Variants in SEC23A observed in about 807,000 individuals in gnomAD.
SEC23A encodes protein transport protein Sec23A.
In SEC23A, 56 loss-of-function variants were observed where a neutral mutation model predicts 103.7. The observed-to-expected ratio is 0.54, with a 90% CI of 0.44 to 0.67. SEC23A has a LOEUF of 0.67. Ranked by LOEUF, SEC23A falls within the 30% of genes least tolerant of loss-of-function variation. The pLI, the probability that SEC23A is intolerant of heterozygous loss-of-function variation, is 0.00. For missense variants in SEC23A, 784 were observed against 936.4 expected (o/e 0.84, Z 2.12); for synonymous variants, 281 against 293.0 (o/e 0.96, Z 0.42).
chr14:39,061,848 T>C lies in SEC23A; in HGVS notation c.1422A>G (p.Gly474=). ...VNQHNAPIPQ[G]GRGAIQFVTQ... ...TCACAAACTGGATTGCACCACGCCCTCCTTGAGGAATTGGAGCATTATGCT... is the reference window on the plus strand; with the variant it reads ...TCACAAACTGGATTGCACCACGCCCCCCTTGAGGAATTGGAGCATTATGCT... The change falls in exon 13 of 20, where the codon GGA becomes GGG. Residue 474 remains glycine, a synonymous_variant. Transcript: ENST00000307712. 1 of 1,613,784 alleles carries C rather than the reference T, an allele frequency of 6.2e-7. No individual in the cohort carries two copies. Among genetic ancestry groups the C allele is most frequent in the Non-Finnish European group, 8.5e-7 (1 of 1,179,676 alleles).
intron 8 of SEC23A, 75 bp downstream of exon 8, chr14:39,075,860 A>G (rs533276524): frequency 3.9e-6 from 5 of 1,274,542 alleles, no homozygotes; most frequent in South Asian, 1.2e-5. Context: ...ATCAAAAACT[A>G]TTTGTATTCT....
chr14:39,098,688 C>T (rs1483810102), intron 1 of SEC23A, among the ~76,000 whole-genome samples: 4 of 151,462 alleles, frequency 2.6e-5, no homozygotes, highest in African/African-American at 7.3e-5. Context: ...GCAGGAGAAT[C>T]ACTTGAACCC....
rs376125773 is a variant in SEC23A at position 39,058,286 on chromosome 14, ATT to A, written c.1506-2992_1506-2991del. Reference sequence around the variant, plus strand: ...TAAAATTCTTCTCCCTTCTTTCTGTATTTTTTTTTTTTTTTAATTTTTTTTAT... The same window carrying A: ...TAAAATTCTTCTCCCTTCTTTCTGTATTTTTTTTTTTTTAATTTTTTTTAT... On this transcript the variant is annotated intron_variant, in intron 13 of 19. Transcript: ENST00000307712. Among the ~76,000 whole-genome samples, 447 of 144,446 alleles carry A rather than the reference ATT, an allele frequency of 3.1e-3. 3 individuals carry two copies. Among genetic ancestry groups the A allele is most frequent in the African/African-American group, 0.01 (411 of 39,822 alleles). The allele number at this position is 144,446 out of a possible 152,430, so 94.8% of individuals were successfully genotyped here. A position where few individuals can be genotyped will look rare whatever the true frequency, so the allele number is the denominator to read the frequency against.
chr14:39,057,214 G>A (rs1886278987), intron 13 of SEC23A, among the ~76,000 whole-genome samples: 1 of 151,400 alleles, frequency 6.6e-6, no homozygotes. Context: ...CTCTGGAGAT[G>A]AGAACTGCCT....
At chr14:39,093,903 T>A (rs1887750890) in intron 2 of SEC23A, among the ~76,000 whole-genome samples, 1 of 152,132 alleles carries the variant, frequency 6.6e-6, no homozygotes, top group Non-Finnish European at 1.5e-5. Context: ...ACTGAATGCC[T>A]AATAAGTACC....
rs1359597367 is a variant in SEC23A, at chr14:39,094,389, CACACACACAT to C, written c.222-1155_222-1146del. On this transcript the variant is annotated intron_variant, in intron 2 of 19. Coordinates refer to ENST00000307712, the MANE Select transcript of SEC23A (RefSeq NM_006364.4). ...ATATATATATACACACACACACACACACACACACATATATATATATATATATATATATATA... is the reference window on the plus strand; with the variant it reads ...ATATATATATACACACACACACACACATATATATATATATATATATATATA... Among the ~76,000 whole-genome samples the C allele has an allele frequency of 1.4e-4, 7 of 50,208 alleles. 1 individual carries two copies. The highest frequency in any genetic ancestry group is 5.4e-4 in the African/African-American group (7 of 13,014). 32.9% of individuals were successfully genotyped at this position (50,208 alleles called of 152,430 possible).
rs757227446 is a variant in SEC23A, at chr14:39,061,787, G to A, written c.1483C>T (p.Arg495Ter). 9 of 1,612,182 alleles carry A rather than the reference G, an allele frequency of 5.6e-6. No homozygotes were observed. Among genetic ancestry groups the A allele is most frequent in the East Asian group, 2.2e-5 (1 of 44,866 alleles). Residue 495 changes from arginine to a stop codon, truncating the protein, a stop_gained, in exon 13 of 20, where the codon CGA (arginine) becomes TGA (stop). Transcript: ENST00000307712. LOFTEE classifies it high-confidence loss of function. The part of the protein sequence containing the change: ...YQHSSGQRRI[R>*]VTTIARNWAD... ...TACTTCCTAGCAATGGTGGTCACTC[G>A]GATGCGTCTCTGCCCACTTGAATGC... is the stretch of plus-strand genomic sequence containing the variant.
At chr14:39,094,919 T>C (rs1887834140) in intron 2 of SEC23A, 1 of 675,872 alleles carries the variant, frequency 1.5e-6, no homozygotes, top group South Asian at 1.6e-5. Context: ...GATAAGGAGT[T>C]TGTATTTCTC....
At chr14:39,047,496 A>G (rs1885881268) in intron 15 of SEC23A, 1 of 823,234 alleles carries the variant, frequency 1.2e-6, no homozygotes. Flanking sequence ...TCCTCAAAAC[A>G]AAAACAACAA....
chr14:39,056,386 G>A, intron 13 of SEC23A, among the ~76,000 whole-genome samples: 1 of 152,022 alleles, frequency 6.6e-6, no homozygotes, highest in East Asian at 1.9e-4. Flanking sequence ...ACCTGCCTTG[G>A]CCTCCCAAAG....
At chr14:39,101,954 G>C (rs534861827) in intron 1 of SEC23A, among the ~76,000 whole-genome samples, 5 of 152,148 alleles carry the variant, frequency 3.3e-5, no homozygotes, top group African/African-American at 1.2e-4. Flanking sequence ...GACTCTGGCC[G>C]GGCGCAGTGG....
At chr14:39,078,724 T>C (rs903622150) in intron 7 of SEC23A, among the ~76,000 whole-genome samples, 2 of 151,986 alleles carry the variant, frequency 1.3e-5, no homozygotes, top group Non-Finnish European at 2.9e-5. Context: ...CCTCAATGGA[T>C]GGGCCAAAAA....
At chr14:39,073,658 G>A (rs1341448504) in intron 9 of SEC23A, among the ~76,000 whole-genome samples, 3 of 131,546 alleles carry the variant, frequency 2.3e-5, no homozygotes, top group Non-Finnish European at 4.6e-5. Flanking sequence ...CGCCAAGGCT[G>A]GAGTGCAGTG....
intron 7 of SEC23A, among the ~76,000 whole-genome samples, chr14:39,078,133 T>C (rs1458224698): frequency 1.3e-5 from 2 of 151,908 alleles, no homozygotes; most frequent in African/African-American, 2.4e-5. Flanking sequence ...GGACATGCTA[T>C]AGTCCCAGCT....
intron 11 of SEC23A, 85 bp from the exon 12 acceptor site, chr14:39,063,498 AGG>A: frequency 1.2e-6 from 1 of 844,422 alleles, no homozygotes. Flanking sequence ...AAAAGACCAC[AGG>A]AAAAAAAAAA....
At position 39,085,689 on chromosome 14, in the gene SEC23A, TAC is replaced by T. The variant is rs59136053; in HGVS notation, c.828+71_828+72del. On this transcript the variant is annotated intron_variant, in intron 7 of 19. Coordinates refer to ENST00000307712, the MANE Select transcript of SEC23A (RefSeq NM_006364.4). ...TTCTTCTTATCCTTATAATTATATA[TAC>T]ACACACACACACACACACACACACA... 97,038 of 1,180,876 alleles carry T rather than the reference TAC, an allele frequency of 0.082. 1,067 individuals are homozygous for T. The highest frequency in any genetic ancestry group is 0.15 in the South Asian group (12,020 of 78,706). 73.1% of individuals were successfully genotyped at this position (1,180,876 alleles called of 1,614,324 possible).
At chr14:39,083,563 C>CTTTTTTTTTTTTTTTTTTTTTTT (rs71130810) in intron 7 of SEC23A, among the ~76,000 whole-genome samples, 1 of 91,808 alleles carries the variant, frequency 1.1e-5, no homozygotes. Context: ...AATAAACTTT[C>CTTTTTTTTTTTTTTTTTTTTTTT]TTTTTTTTTT....
rs751955493 is a variant in SEC23A, at chr14:39,033,220, CTT to C, written c.*17_*18del. ...AATATTATTTCATCTTCTTAAGTGT[CTT>C]TAACATTATTAGCACTTCAAGCAGC... is the stretch of plus-strand genomic sequence containing the variant. On this transcript the variant is annotated 3_prime_UTR_variant, in exon 20 of 20. Coordinates refer to ENST00000307712, the MANE Select transcript of SEC23A (RefSeq NM_006364.4). The C allele has an allele frequency of 2.7e-5, 42 of 1,557,918 alleles. No individual in the cohort carries two copies. In the African/African-American group the frequency reaches 5.4e-4, roughly 20 times the overall value.
chr14:39,083,998 T>A (rs1417146146), intron 7 of SEC23A, among the ~76,000 whole-genome samples: 5 of 152,182 alleles, frequency 3.3e-5, no homozygotes, highest in African/African-American at 9.6e-5. Flanking sequence ...TCAAATTTTT[T>A]AAAAAACATT....
Sources: allele counts gnomAD v4.1 joint callset (sites outside exome capture counted in the v4.1 genomes callset), GRCh38; gene constraint gnomAD v4.1.1; transcripts MANE v1.5; gene names NCBI Gene and HGNC (gene_info 2026-07-23, HGNC 2026-07-21).